The following SAMMSON variants were observed in gnomAD, a reference collection of about 807,000 sequenced individuals.
SAMMSON encodes the protein long intergenic non-protein coding RNA 1212.
chr3:70,224,223 A>G (rs1002073298), intron 4 of SAMMSON, among the ~76,000 whole-genome samples: 2 of 152,174 alleles, frequency 1.3e-5, no homozygotes, highest in Non-Finnish European at 2.9e-5. Context: ...AAGTAGGCTG[A>G]TTCGAAGTCC....
chr3:70,356,125 A>G (rs1045669211), intron 8 of SAMMSON, among the ~76,000 whole-genome samples: 3 of 152,220 alleles, frequency 2.0e-5, no homozygotes, highest in African/African-American at 7.2e-5. Flanking sequence ...AGTGACATTC[A>G]TAAAAGCAGG....
intron 4 of SAMMSON, among the ~76,000 whole-genome samples, chr3:70,222,644 TA>T (rs1462403215): frequency 6.6e-6 from 1 of 152,152 alleles, no homozygotes; most frequent in Non-Finnish European, 1.5e-5. Flanking sequence ...TAGGGCCTCC[TA>T]GGTTACTCAG....
intron 3 of SAMMSON, among the ~76,000 whole-genome samples, chr3:70,020,826 A>G (rs1161665484): frequency 1.3e-5 from 2 of 152,186 alleles, no homozygotes; most frequent in East Asian, 3.8e-4. Flanking sequence ...TCATCTTCCC[A>G]ACAACTGTAG....
At chr3:70,298,240 G>T (rs1702309941) in intron 7 of SAMMSON, among the ~76,000 whole-genome samples, 1 of 152,046 alleles carries the variant, frequency 6.6e-6, no homozygotes, top group African/African-American at 2.4e-5. Flanking sequence ...TCTGATCATA[G>T]TTGATTCTGC....
intron 4 of SAMMSON, among the ~76,000 whole-genome samples, chr3:70,112,569 TAGA>T (rs2067394108): frequency 6.6e-6 from 1 of 152,116 alleles, no homozygotes; most frequent in Admixed American, 6.5e-5. Flanking sequence ...GAAAATAGGA[TAGA>T]AGAACAATAG....
intron 4 of SAMMSON, chr3:70,127,288 A>G (rs1487172473): frequency 6.6e-6 from 1 of 152,172 alleles, no homozygotes; most frequent in Non-Finnish European, 1.5e-5. Context: ...AACTTTCAGG[A>G]TCCTCTTACT....
chr3:70,261,069 C>A (rs1251907070), intron 6 of SAMMSON, among the ~76,000 whole-genome samples: 1 of 152,128 alleles, frequency 6.6e-6, no homozygotes, highest in Non-Finnish European at 1.5e-5. Flanking sequence ...ATAAGCACTT[C>A]AACGTTTATT....
intron 3 of SAMMSON, among the ~76,000 whole-genome samples, chr3:70,021,508 A>G (rs1418599491): frequency 6.6e-6 from 1 of 152,222 alleles, no homozygotes; most frequent in Non-Finnish European, 1.5e-5. Flanking sequence ...CAAGAAAAAC[A>G]TAGCTTGTTT....
chr3:70,380,649 G>A (rs542779948), intron 9 of SAMMSON, among the ~76,000 whole-genome samples: 3 of 151,866 alleles, frequency 2.0e-5, no homozygotes, highest in African/African-American at 7.2e-5. Flanking sequence ...CTATTAACTC[G>A]TCATTTAACA....
intron 7 of SAMMSON, among the ~76,000 whole-genome samples, chr3:70,303,406 GA>G (rs941996819): frequency 8.6e-5 from 13 of 151,746 alleles, no homozygotes; most frequent in Non-Finnish European, 1.0e-4. Context: ...AGAATAGGAG[GA>G]AAAAAAATTA....
intron 6 of SAMMSON, among the ~76,000 whole-genome samples, chr3:70,289,861 A>G (rs1483214249): frequency 2.0e-5 from 3 of 151,768 alleles, no homozygotes; most frequent in Admixed American, 1.3e-4. Flanking sequence ...TCGGCTCCTG[A>G]GGCTTCTGCA....
chr3:70,402,018 G>A (rs562214233), intron 2 of SAMMSON, among the ~76,000 whole-genome samples: 1 of 152,024 alleles, frequency 6.6e-6, no homozygotes, highest in African/African-American at 2.4e-5. Flanking sequence ...GTTTTTCCAG[G>A]TTACTTAAAA....
At chr3:70,189,002 G>C (rs762773203) in intron 4 of SAMMSON, among the ~76,000 whole-genome samples, 3 of 152,162 alleles carry the variant, frequency 2.0e-5, no homozygotes, top group Non-Finnish European at 1.5e-5. Flanking sequence ...AATCAGAAGA[G>C]AGGGTGCTTG....
At chr3:70,244,266 C>G (rs1280380404) in intron 4 of SAMMSON, among the ~76,000 whole-genome samples, 2 of 152,194 alleles carry the variant, frequency 1.3e-5, no homozygotes, top group African/African-American at 2.4e-5. Context: ...TGAGTATTCT[C>G]TGTTCTAACT....
At chr3:70,244,476 A>G (rs1444101387) in intron 4 of SAMMSON, among the ~76,000 whole-genome samples, 2 of 152,224 alleles carry the variant, frequency 1.3e-5, no homozygotes, top group African/African-American at 4.8e-5. Context: ...TCTGATGATA[A>G]TATCAAGATT....
At chr3:70,108,807 G>C (rs2067377711) in intron 4 of SAMMSON, among the ~76,000 whole-genome samples, 1 of 152,016 alleles carries the variant, frequency 6.6e-6, no homozygotes, top group African/African-American at 2.4e-5. Flanking sequence ...AACCTTGCTG[G>C]CATTTTGATC....
chr3:70,355,925 C>T (rs1228530264), intron 8 of SAMMSON, among the ~76,000 whole-genome samples: 2 of 151,900 alleles, frequency 1.3e-5, no homozygotes, highest in Non-Finnish European at 2.9e-5. Context: ...TTCACATATT[C>T]TAAAAAAAAG....
chr3:70,357,604 G>A (rs995813035), intron 8 of SAMMSON, among the ~76,000 whole-genome samples: 1 of 152,062 alleles, frequency 6.6e-6, no homozygotes, highest in African/African-American at 2.4e-5. Context: ...GAGGCTAGGG[G>A]AGGAAACTTA....
At chr3:70,318,280 A>G (rs1032791453) in intron 7 of SAMMSON, among the ~76,000 whole-genome samples, 1 of 151,918 alleles carries the variant, frequency 6.6e-6, no homozygotes, top group Non-Finnish European at 1.5e-5. Flanking sequence ...ATTTTTACAC[A>G]GTTCATAGAG....
Sources: allele counts gnomAD v4.1 joint callset (sites outside exome capture counted in the v4.1 genomes callset), GRCh38; gene constraint gnomAD v4.1.1; transcripts MANE v1.5; gene names NCBI Gene and HGNC (gene_info 2026-07-23, HGNC 2026-07-21).